Variants in ATP6V1H observed in about 807,000 individuals in gnomAD.
ATP6V1H encodes ATPase H+ transporting V1 subunit H.
ATP6V1H carries 39 observed loss-of-function variants against 71.7 expected under a neutral mutation model. The ratio of observed to expected loss-of-function variants is 0.54; its 90% confidence interval spans 0.42 to 0.71. The LOEUF (loss-of-function observed/expected upper bound fraction) is 0.71. Ranked by LOEUF, ATP6V1H falls within the 30% of genes least tolerant of loss-of-function variation. ATP6V1H has a pLI of 0.00. For synonymous variants in ATP6V1H, 192 were observed against 199.3 expected, an observed-to-expected ratio of 0.96 and a Z score of 0.31; for missense variants, 509 against 594.9, an observed-to-expected ratio of 0.86 and a Z score of 1.50.
intron 3 of ATP6V1H, chr8:53,832,068 TAATA>T (rs1240779805): frequency 2.0e-5 from 3 of 152,100 alleles, no homozygotes; most frequent in African/African-American, 7.2e-5. Context: ...TGGGAAATAA[TAATA>T]AATTAATTAT....
At chr8:53,782,385 T>G (rs1028318762) in intron 9 of ATP6V1H, among the ~76,000 whole-genome samples, 3 of 152,052 alleles carry the variant, frequency 2.0e-5, no homozygotes, top group Admixed American at 6.5e-5. Flanking sequence ...TTTTGCACAT[T>G]GATTTTGTAT....
rs538041698 is a variant in ATP6V1H, at chr8:53,759,713, TCA to T, written c.1176-3059_1176-3058del. ...CAGTTTTAGAAACTTGTTTTCTCTCTCAGTTTTTGCTTTTCTTCTATCTCCAC... is the reference window on the plus strand; with the variant it reads ...CAGTTTTAGAAACTTGTTTTCTCTCTGTTTTTGCTTTTCTTCTATCTCCAC... On this transcript the variant is annotated intron_variant, in intron 11 of 13. Coordinates refer to ENST00000359530, the MANE Select transcript of ATP6V1H (RefSeq NM_015941.4). 2.2e-3 allele frequency among the ~76,000 whole-genome samples: 339 copies of T among 152,362 alleles called. 2 individuals are homozygous for T. The highest frequency in any genetic ancestry group is 7.8e-3 in the African/African-American group (325 of 41,580).
In ATP6V1H at chr8:53,840,497, CA is replaced by C. The variant is rs111534562; in HGVS notation, c.113+1080del. Among the ~76,000 whole-genome samples, 740 of 124,864 alleles carry C rather than the reference CA, an allele frequency of 5.9e-3. 2 individuals carry two copies. Among genetic ancestry groups the C allele is most frequent in the African/African-American group, 9.5e-3 (337 of 35,314 alleles). 81.9% of individuals were successfully genotyped at this position (124,864 alleles called of 152,430 possible). A position where few individuals can be genotyped will look rare whatever the true frequency, so the allele number is the denominator to read the frequency against. On this transcript the variant is annotated intron_variant, in intron 2 of 13. Transcript: ENST00000359530. ...TGGGCAACAGAGTGAGACTCTGTCT[CA>C]AAAAAAAAAAAAAATAGTGAATTAA...
intron 8 of ATP6V1H, among the ~76,000 whole-genome samples, chr8:53,797,867 C>CA (rs1809793331): frequency 1.3e-5 from 2 of 151,706 alleles, no homozygotes; most frequent in South Asian, 2.1e-4. Context: ...AAAAATTTCC[C>CA]AAAAAAATAC....
intron 11 of ATP6V1H, among the ~76,000 whole-genome samples, chr8:53,758,535 T>C (rs1156458732): frequency 6.6e-6 from 1 of 152,220 alleles, no homozygotes; most frequent in Non-Finnish European, 1.5e-5. Context: ...ATGTAAATTC[T>C]TGGCAAACGA....
chr8:53,821,410 C>T (rs918292171), intron 4 of ATP6V1H, among the ~76,000 whole-genome samples: 61 of 151,168 alleles, frequency 4.0e-4, no homozygotes, highest in Non-Finnish European at 6.9e-4. Context: ...AGTCCAGGTG[C>T]GATGGCTCAC....
chr8:53,742,371 C>T (rs184204386), intron 13 of ATP6V1H, among the ~76,000 whole-genome samples: 5 of 152,318 alleles, frequency 3.3e-5, no homozygotes, highest in East Asian at 3.9e-4. Context: ...AAGCCAAGTT[C>T]GTTACTACTT....
rs556620729 is a variant in ATP6V1H, at chr8:53,735,805, A to AT, written c.1391+7771dup. On this transcript the variant is annotated intron_variant, in intron 13 of 13. Coordinates refer to ENST00000359530, the MANE Select transcript of ATP6V1H (RefSeq NM_015941.4). Reference sequence around the variant, plus strand: ...AAAATCTAATTTCTCTAGGATCCATATAAGATAGGCCCTATACTGTAATCT... The same window carrying AT: ...AAAATCTAATTTCTCTAGGATCCATATTAAGATAGGCCCTATACTGTAATCT... Among the ~76,000 whole-genome samples, 755 of 152,322 alleles carry AT rather than the reference A, an allele frequency of 5.0e-3. 5 individuals carry two copies. Among genetic ancestry groups the AT allele is most frequent in the African/African-American group, 0.017 (716 of 41,560 alleles).
At chr8:53,734,082 G>GC (rs1001596017) in intron 13 of ATP6V1H, among the ~76,000 whole-genome samples, 2 of 152,120 alleles carry the variant, frequency 1.3e-5, no homozygotes, top group African/African-American at 4.8e-5. Context: ...GAACATAAAA[G>GC]CCCCCCAATG....
chr8:53,727,227 C>T (rs961822014), intron 13 of ATP6V1H, among the ~76,000 whole-genome samples: 1 of 152,244 alleles, frequency 6.6e-6, no homozygotes, highest in Admixed American at 6.5e-5. Flanking sequence ...CTTCTCGCTG[C>T]TGCACCCACT....
At chr8:53,728,931 A>G (rs1806917225) in intron 13 of ATP6V1H, among the ~76,000 whole-genome samples, 6 of 152,248 alleles carry the variant, frequency 3.9e-5, no homozygotes. Context: ...TTCTAGCTCC[A>G]TGAGGGCAGA....
chr8:53,720,850 G>T (rs1168902472), intron 13 of ATP6V1H, among the ~76,000 whole-genome samples: 2 of 152,084 alleles, frequency 1.3e-5, no homozygotes, highest in Non-Finnish European at 2.9e-5. Flanking sequence ...CAGCATTTTT[G>T]TACTGTTTTC....
chr8:53,783,670 TG>T (rs1809254285), intron 9 of ATP6V1H, among the ~76,000 whole-genome samples: 1 of 152,256 alleles, frequency 6.6e-6, no homozygotes, highest in South Asian at 2.1e-4. Context: ...CTTTCTCTTG[TG>T]GGCATTTAGT....
At chr8:53,783,018 C>T (rs1809223165) in intron 9 of ATP6V1H, among the ~76,000 whole-genome samples, 1 of 152,042 alleles carries the variant, frequency 6.6e-6, no homozygotes, top group South Asian at 2.1e-4. Flanking sequence ...TTTGTTGTGT[C>T]TCTGCCAGGC....
At chr8:53,774,852 C>T (rs953996965) in intron 9 of ATP6V1H, among the ~76,000 whole-genome samples, 1 of 152,188 alleles carries the variant, frequency 6.6e-6, no homozygotes, top group Non-Finnish European at 1.5e-5. Context: ...TTCAGAGTGA[C>T]TACAGCGGCT....
chr8:53,814,298 G>A (rs984306012), intron 6 of ATP6V1H, among the ~76,000 whole-genome samples: 5 of 152,230 alleles, frequency 3.3e-5, no homozygotes, highest in East Asian at 1.9e-4. Flanking sequence ...CTGCTGTACC[G>A]TTTGTTTTCC....
chr8:53,733,770 G>A (rs1807107452), intron 13 of ATP6V1H, among the ~76,000 whole-genome samples: 2 of 152,298 alleles, frequency 1.3e-5, no homozygotes, highest in African/African-American at 2.4e-5. Flanking sequence ...AGGCGACCAC[G>A]AACCTTTTGA....
Position 53,715,973 on chromosome 8 carries a change from G to C in ATP6V1H, c.1443C>G (p.Ala481=). ...LQSEQPQTAA[A]RS ...AAGGCCAGAGGCAGGCTTAGCTTCG[G>C]GCGGCAGCGGTCTGGGGCTGCTCGG... Residue 481 remains alanine (A), a synonymous_variant, in exon 14 of 14, where the codon GCC becomes GCG. Transcript: ENST00000359530. The C allele has an allele frequency of 1.2e-6, 2 of 1,608,152 alleles. No individual in the cohort carries two copies. Among genetic ancestry groups the C allele is most frequent in the Admixed American group, 1.7e-5 (1 of 59,166 alleles).
intron 13 of ATP6V1H, among the ~76,000 whole-genome samples, chr8:53,732,768 G>A (rs938044459): frequency 4.6e-5 from 7 of 151,978 alleles, no homozygotes; most frequent in African/African-American, 1.5e-4. Context: ...TGCAGGAGCC[G>A]CCAGAGGTAA....
Sources: allele counts gnomAD v4.1 joint callset (sites outside exome capture counted in the v4.1 genomes callset), GRCh38; gene constraint gnomAD v4.1.1; transcripts MANE v1.5; gene names NCBI Gene and HGNC (gene_info 2026-07-23, HGNC 2026-07-21).